The following DPP10 variants were observed in gnomAD, a reference collection of about 807,000 sequenced individuals.
The protein encoded by DPP10 is inactive dipeptidyl peptidase 10.
In DPP10, 33 loss-of-function variants were observed where a neutral mutation model predicts 120.9. The ratio of observed to expected loss-of-function variants is 0.27; its 90% CI spans 0.21 to 0.37. DPP10 has a LOEUF of 0.37. Ranked by LOEUF, DPP10 falls within the 10% of genes least tolerant of loss-of-function variation. The pLI, the probability that DPP10 is intolerant of heterozygous loss-of-function variation, is 1.00. For missense variants in DPP10, 816 were observed against 942.8 expected, an observed-to-expected ratio of 0.87 and a Z score of 1.76; for synonymous variants, 337 against 326.1, an observed-to-expected ratio of 1.03 and a Z score of -0.36.
At chr2:115,342,449 A>G (rs2063496868) in intron 2 of DPP10, among the ~76,000 whole-genome samples, 1 of 152,060 alleles carries the variant, frequency 6.6e-6, no homozygotes, top group Non-Finnish European at 1.5e-5. Flanking sequence ...CCTGTCCTCA[A>G]GTGATCCACC....
chr2:115,550,218 G>C (rs972060942), intron 5 of DPP10, among the ~76,000 whole-genome samples: 1 of 152,138 alleles, frequency 6.6e-6, no homozygotes, highest in Non-Finnish European at 1.5e-5. Context: ...TAATATGCAT[G>C]TGAAGTATCA....
chr2:114,864,328 T>C (rs1178748457), intron 1 of DPP10, among the ~76,000 whole-genome samples: 1 of 152,200 alleles, frequency 6.6e-6, no homozygotes, highest in East Asian at 1.9e-4. Flanking sequence ...GAATATGGTG[T>C]TGACCAAGAT....
intron 4 of DPP10, 77 bp from the exon 5 acceptor site, chr2:115,525,821 A>T: frequency 9.1e-7 from 1 of 1,100,750 alleles, no homozygotes; most frequent in Non-Finnish European, 1.3e-6. Flanking sequence ...ATGAAAATTG[A>T]TTTTTTTTTA....
intron 1 of DPP10, among the ~76,000 whole-genome samples, chr2:115,286,532 T>TATATATATATATATATATAC (rs2060406843): frequency 8.6e-6 from 1 of 116,516 alleles, no homozygotes; most frequent in Non-Finnish European, 1.8e-5. Context: ...ATATAATATA[T>TATATATATATATATATATAC]ATATATATAA....
chr2:115,152,746 G>C (rs2051641593), intron 1 of DPP10, among the ~76,000 whole-genome samples: 1 of 152,100 alleles, frequency 6.6e-6, no homozygotes, highest in Non-Finnish European at 1.5e-5. Context: ...TTGGTTTCAA[G>C]AGTTCACAGG....
chr2:114,767,290 TA>T (rs1299143010), intron 1 of DPP10, among the ~76,000 whole-genome samples: 1 of 140,466 alleles, frequency 7.1e-6, no homozygotes, highest in Non-Finnish European at 1.5e-5. Context: ...TAAAGATATA[TA>T]ATATATATAT....
intron 1 of DPP10, among the ~76,000 whole-genome samples, chr2:114,848,661 A>C (rs1482851574): frequency 6.6e-6 from 1 of 152,216 alleles, no homozygotes; most frequent in African/African-American, 2.4e-5. Context: ...ACTGTGATAC[A>C]TAACATGCCT....
chr2:114,801,729 C>G (rs1684266953), intron 1 of DPP10, among the ~76,000 whole-genome samples: 1 of 152,194 alleles, frequency 6.6e-6, no homozygotes, highest in Non-Finnish European at 1.5e-5. Context: ...GTTATTTGCT[C>G]TGCCTATGAT....
chr2:114,918,062 G>T (rs1287488800), intron 1 of DPP10, among the ~76,000 whole-genome samples: 1 of 151,900 alleles, frequency 6.6e-6, no homozygotes, highest in Non-Finnish European at 1.5e-5. Context: ...CATCCAAAAA[G>T]GTCTAATATC....
chr2:114,847,873 C>T (rs546459833), intron 1 of DPP10, among the ~76,000 whole-genome samples: 1 of 152,116 alleles, frequency 6.6e-6, no homozygotes, highest in Admixed American at 6.6e-5. Flanking sequence ...ACAGGGCAAA[C>T]AGACCTTGCG....
Position 115,836,593 on chromosome 2 carries a change from G to C in DPP10, c.2109+28G>C, listed in dbSNP as rs773841765. ...AACTAATTTGAAAATAACAAAGAAAGAGGAGTATTTTTGTTCTAAAAAATT... is the reference window on the plus strand; with the variant it reads ...AACTAATTTGAAAATAACAAAGAAACAGGAGTATTTTTGTTCTAAAAAATT... On this transcript the variant is annotated intron_variant, in intron 23 of 25. Coordinates refer to ENST00000410059, the MANE Select transcript of DPP10 (RefSeq NM_020868.6). 14 of 1,611,668 alleles carry C rather than the reference G, an allele frequency of 8.7e-6. No homozygotes were observed. The South Asian group carries it at 1.5e-4, about 18-fold the overall frequency.
chr2:115,179,364 G>C (rs1051144618), intron 1 of DPP10, among the ~76,000 whole-genome samples: 1 of 151,988 alleles, frequency 6.6e-6, no homozygotes, highest in African/African-American at 2.4e-5. Context: ...TTAAAATGTT[G>C]TTTCTGTATT....
intron 1 of DPP10, among the ~76,000 whole-genome samples, chr2:115,044,126 C>T (rs1387715437): frequency 6.6e-6 from 1 of 151,956 alleles, no homozygotes; most frequent in Admixed American, 6.6e-5. Flanking sequence ...TTAGGCCGTC[C>T]TCACACTGCT....
chr2:115,634,594 G>A (rs532059561), intron 5 of DPP10, among the ~76,000 whole-genome samples: 54 of 152,204 alleles, frequency 3.5e-4, no homozygotes, highest in African/African-American at 1.3e-3. Flanking sequence ...CTTTCCTCTG[G>A]GATCTCTGTA....
chr2:114,564,695 T>C (rs370949932), intron 1 of DPP10, among the ~76,000 whole-genome samples: 2 of 151,398 alleles, frequency 1.3e-5, no homozygotes, highest in Non-Finnish European at 2.9e-5. Flanking sequence ...GGAAAAAAAA[T>C]TGGGGAGAAA....
chr2:115,478,023 ATC>A (rs1262257190), intron 3 of DPP10, among the ~76,000 whole-genome samples: 2 of 152,054 alleles, frequency 1.3e-5, no homozygotes, highest in Non-Finnish European at 2.9e-5. Context: ...AAACAACCAG[ATC>A]TCATGTGAAC....
intron 3 of DPP10, among the ~76,000 whole-genome samples, chr2:115,496,195 C>A (rs1169175431): frequency 6.6e-6 from 1 of 151,552 alleles, no homozygotes; most frequent in Non-Finnish European, 1.5e-5. Context: ...CAAAAAAAAC[C>A]CCAAGAAAAT....
intron 1 of DPP10, among the ~76,000 whole-genome samples, chr2:114,564,980 C>G (rs780474588): frequency 4.6e-5 from 7 of 152,132 alleles, no homozygotes; most frequent in Non-Finnish European, 7.4e-5. Flanking sequence ...GTGGTGTGGA[C>G]TAAGGATGCT....
At chr2:115,752,555 A>T (rs981160271) in intron 10 of DPP10, among the ~76,000 whole-genome samples, 6 of 152,166 alleles carry the variant, frequency 3.9e-5, no homozygotes, top group African/African-American at 1.4e-4. Flanking sequence ...AATATGGAAA[A>T]AATTATGTAT....
Sources: gnomAD v4.1 joint callset for allele counts (sites outside exome capture counted in the v4.1 genomes callset) on GRCh38, gnomAD v4.1.1 for gene constraint, MANE v1.5 for transcripts, NCBI Gene and HGNC (gene_info 2026-07-23, HGNC 2026-07-21) for gene names.